The following ADRA1B variants were observed in gnomAD, a reference collection of about 807,000 sequenced individuals.
The protein encoded by ADRA1B is adrenoceptor alpha 1B.
In ADRA1B, 17 loss-of-function variants were observed where a neutral mutation model predicts 17.9. The observed-to-expected ratio is 0.95, with a 90% CI of 0.65 to 1.42. The LOEUF is 1.42. Among genes scored for constraint, ADRA1B ranks in the 40% most tolerant of loss-of-function variants. ADRA1B has a pLI of 0.00. For missense variants in ADRA1B, 681 were observed against 722.1 expected (o/e 0.94, Z 0.65); for synonymous variants, 366 against 327.6 (o/e 1.12, Z -1.27).
Position 159,882,316 on chromosome 5 carries a change from A to G in ADRA1B, c.-256+17110A>G, listed in dbSNP as rs73311416. On this transcript the variant is annotated intron_variant, in intron 1 of 2. Coordinates refer to the ADRA1B transcript ENST00000641205. The stretch of plus-strand genomic sequence containing the variant: ...AAGAGGAGGTAGCAGGAAAGTGTAC[A>G]GGAATCCTTCCTGAGTAGACAGGAT... Among the ~76,000 whole-genome samples, 1,170 of 152,332 alleles carry G rather than the reference A, an allele frequency of 7.7e-3. 17 individuals are homozygous for G. The highest frequency in any genetic ancestry group is 0.026 in the African/African-American group (1,100 of 41,560).
chr5:159,985,776 G>C, the ADRA1B span, among the ~76,000 whole-genome samples: 1 of 152,244 alleles, frequency 6.6e-6, no homozygotes, highest in Non-Finnish European at 1.5e-5. Context: ...AAGCAGTGCT[G>C]CCTCTGGGAC....
intron 1 of ADRA1B, among the ~76,000 whole-genome samples, chr5:159,952,713 C>G (rs1386668392): frequency 6.6e-6 from 1 of 152,160 alleles, no homozygotes; most frequent in Non-Finnish European, 1.5e-5. Context: ...TGCTTGCCAC[C>G]TATAAGCTCT....
intron 1 of ADRA1B, chr5:159,868,092 C>T (rs1028512201): frequency 1.3e-5 from 2 of 152,176 alleles, no homozygotes; most frequent in Non-Finnish European, 2.9e-5. Context: ...ACTTCCCAGC[C>T]TCAGTTTCCT....
rs527355271 is a variant in ADRA1B at position 159,932,159 on chromosome 5, T to C, written c.949+14305T>C. On this transcript the variant is annotated intron_variant, in intron 1 of 1. Transcript: ENST00000306675. Reference sequence around the variant, plus strand: ...TTTTGTTTTTCCTTTTTTTCTTTTCTTTTTTGTTTTTAAAGACGGAGTATC... The same window carrying C: ...TTTTGTTTTTCCTTTTTTTCTTTTCCTTTTTGTTTTTAAAGACGGAGTATC... Among the ~76,000 whole-genome samples the C allele has an allele frequency of 8.1e-4, 123 of 152,268 alleles. 1 individual carries two copies. The South Asian group carries it at 0.024, about 30-fold the overall frequency.
intron 1 of ADRA1B, chr5:159,868,749 C>T (rs1023546076): frequency 2.6e-5 from 4 of 152,178 alleles, no homozygotes; most frequent in Non-Finnish European, 1.5e-5. Context: ...GTAGGTACAA[C>T]ATCCTTACTC....
Position 159,950,344 on chromosome 5 carries a change from G to A in ADRA1B, c.950-21535G>A, listed in dbSNP as rs1755399706. 4.1e-5 allele frequency: 23 copies of A among 561,808 alleles called. No individual in the cohort carries two copies. In the South Asian group the frequency reaches 5.2e-4, roughly 13 times the overall value. The allele number at this position is 561,808 out of a possible 1,614,324, so 34.8% of individuals were successfully genotyped here. On this transcript the variant is annotated intron_variant, in intron 1 of 1. Coordinates refer to ENST00000306675, the MANE Select transcript of ADRA1B (RefSeq NM_000679.4). ...GTACATGACAAGGTGGGGCTCCCTA[G>A]GCCCCTCCCTCTTCAGGGGGTCTGT...
chr5:159,988,040 A>G, the ADRA1B span, among the ~76,000 whole-genome samples: 6 of 152,132 alleles, frequency 3.9e-5, no homozygotes, highest in African/African-American at 1.4e-4. Context: ...GGATCGTGAG[A>G]TGGGGGGATT....
chr5:159,920,511 T>A (rs1754450317), intron 1 of ADRA1B, among the ~76,000 whole-genome samples: 1 of 152,146 alleles, frequency 6.6e-6, no homozygotes, highest in South Asian at 2.1e-4. Flanking sequence ...CTCCTTGCGA[T>A]GAAAACTTTC....
chr5:159,948,106 T>C (rs1755327639), intron 1 of ADRA1B: 1 of 985,456 alleles, frequency 1.0e-6, no homozygotes, highest in South Asian at 4.7e-5. Context: ...TGAAAGTCTC[T>C]GTACCTTCAT....
At chr5:159,953,426 A>G (rs1197163849) in intron 1 of ADRA1B, among the ~76,000 whole-genome samples, 2 of 152,092 alleles carry the variant, frequency 1.3e-5, no homozygotes, top group Admixed American at 1.3e-4. Context: ...AACTATCCCC[A>G]CCACACATCT....
At chr5:159,892,079 A>T (rs548484255) in intron 1 of ADRA1B, among the ~76,000 whole-genome samples, 11 of 152,180 alleles carry the variant, frequency 7.2e-5, no homozygotes, top group Non-Finnish European at 1.3e-4. Context: ...TCTACTAAAA[A>T]TACAAAAATT....
Position 159,925,740 on chromosome 5 carries a change from G to C in ADRA1B, c.949+7886G>C, listed in dbSNP as rs191267370. Among the ~76,000 whole-genome samples the C allele has an allele frequency of 1.1e-3, 163 of 152,312 alleles. 1 individual carries two copies. The highest frequency in any genetic ancestry group is 3.7e-3 in the African/African-American group (154 of 41,574). On this transcript the variant is annotated intron_variant, in intron 1 of 1. Transcript: ENST00000306675. ...ATTCAACAGAACCCACACAAAATCTGTCTTAACTCAACTCTTAGCTGGTTC... is the reference window on the plus strand; with the variant it reads ...ATTCAACAGAACCCACACAAAATCTCTCTTAACTCAACTCTTAGCTGGTTC...
At chr5:159,959,392 A>G (rs1755623536) in intron 1 of ADRA1B, among the ~76,000 whole-genome samples, 1 of 152,244 alleles carries the variant, frequency 6.6e-6, no homozygotes, top group African/African-American at 2.4e-5. Flanking sequence ...GTGCTCAACA[A>G]GTATTTTTAC....
At chr5:159,964,407 A>T (rs898240084) in intron 1 of ADRA1B, among the ~76,000 whole-genome samples, 2 of 152,234 alleles carry the variant, frequency 1.3e-5, no homozygotes, top group Non-Finnish European at 2.9e-5. Flanking sequence ...TTTTGTTTTC[A>T]TCTTATTTTC....
At chr5:159,895,011 T>A (rs1371177329) in intron 1 of ADRA1B, among the ~76,000 whole-genome samples, 1 of 152,206 alleles carries the variant, frequency 6.6e-6, no homozygotes, top group Non-Finnish European at 1.5e-5. Flanking sequence ...AATTTATCTT[T>A]AAAGGAAGCA....
At chr5:159,987,904 T>G in the ADRA1B span, among the ~76,000 whole-genome samples, 11 of 152,284 alleles carry the variant, frequency 7.2e-5, no homozygotes, top group Admixed American at 3.9e-4. Flanking sequence ...CTTTGTAGTC[T>G]TTGTGGTAGG....
chr5:159,902,980 T>C (rs942963468), intron 1 of ADRA1B, among the ~76,000 whole-genome samples: 3 of 152,190 alleles, frequency 2.0e-5, no homozygotes, highest in Admixed American at 1.3e-4. Flanking sequence ...GGTACTTGCT[T>C]GGGAGCAGCA....
Position 159,882,121 on chromosome 5 carries a change from T to A in ADRA1B, c.-256+16915T>A, listed in dbSNP as rs191595750. Among the ~76,000 whole-genome samples, 13 of 152,296 alleles carry A rather than the reference T, an allele frequency of 8.5e-5. No individual in the cohort carries two copies. The East Asian group carries it at 2.5e-3, about 29-fold the overall frequency. ...TTTGTATGTGTGCAGTGCTGAGGCTTATGCAGTAGGGAGGGGATGAAGAGG... is the reference window on the plus strand; with the variant it reads ...TTTGTATGTGTGCAGTGCTGAGGCTAATGCAGTAGGGAGGGGATGAAGAGG... On this transcript the variant is annotated intron_variant, in intron 1 of 2. Coordinates refer to the ADRA1B transcript ENST00000641205.
rs371637793 is a variant in ADRA1B at position 159,907,955 on chromosome 5, TCA to T, written c.-255-8135_-255-8134del. On this transcript the variant is annotated intron_variant, in intron 1 of 2. Transcript: ENST00000641205. ...TTTGTTCTCTCTCTCTCTCTCTCTG[TCA>T]CACACACACACACACACACACACAC... Among the ~76,000 whole-genome samples, 1,104 of 146,748 alleles carry T rather than the reference TCA, an allele frequency of 7.5e-3. 10 individuals carry two copies. The highest frequency in any genetic ancestry group is 0.059 in the East Asian group (288 of 4,862).
Sources: gnomAD v4.1 joint callset for allele counts (sites outside exome capture counted in the v4.1 genomes callset) on GRCh38, gnomAD v4.1.1 for gene constraint, MANE v1.5 for transcripts, NCBI Gene and HGNC (gene_info 2026-07-23, HGNC 2026-07-21) for gene names.